Variants in SAMM50 observed in about 807,000 individuals in gnomAD.
SAMM50 encodes the protein sorting and assembly machinery component 50 homolog.
In SAMM50, 47 loss-of-function variants were observed where a neutral mutation model predicts 66.9. That is an observed-to-expected ratio of 0.70 (90% CI 0.56 to 0.90). The LOEUF is 0.90. Ranked by LOEUF, SAMM50 falls within the 40% of genes least tolerant of loss-of-function variation. The pLI is 0.00. For missense variants in SAMM50, 535 were observed against 595.3 expected (o/e 0.90, Z 1.05); for synonymous variants, 191 against 214.1 (o/e 0.89, Z 0.94).
chr22:43,981,305 C>G, intron 10 of SAMM50, 86 bp from the exon 11 acceptor site: 3 of 1,036,898 alleles, frequency 2.9e-6, no homozygotes, highest in Non-Finnish European at 4.6e-6. Flanking sequence ...CACGGGCATT[C>G]AGTGTGTGGC....
intron 1 of SAMM50, among the ~76,000 whole-genome samples, chr22:43,956,602 G>T (rs565274989): frequency 6.6e-6 from 1 of 152,212 alleles, no homozygotes; most frequent in Non-Finnish European, 1.5e-5. Flanking sequence ...TTGCAGGGCC[G>T]CTGAACGAGG....
Position 43,983,888 on chromosome 22 carries a change from C to A in SAMM50, c.1008-45C>A. 1.4e-6 allele frequency: 2 copies of A among 1,414,938 alleles called. No individual in the cohort carries two copies. Among genetic ancestry groups the A allele is most frequent in the Non-Finnish European group, 9.8e-7 (1 of 1,016,406 alleles). The allele number at this position is 1,414,938 out of a possible 1,614,324, so 87.6% of individuals were successfully genotyped here. A position where few individuals can be genotyped will look rare whatever the true frequency, so the allele number is the denominator to read the frequency against. On this transcript the variant is annotated intron_variant, in intron 11 of 14. Transcript: ENST00000350028. This position sits in a 1 kb window ranked among gnomAD's most constrained non-coding sequence, Gnocchi z 4.2. ...ACGCGTTCCGTGTGTCATGTCGTTT[C>A]TCACCTCCTGACTTTCCTCTGACCT...
At position 43,990,267 on chromosome 22, in the gene SAMM50, G is replaced by A. The variant is rs769794460; in HGVS notation, c.1225G>A (p.Glu409Lys). ...CTCACAGGTCTTTCTCTTTTCAGGGGAGGGCCCCAAAGCTCATATTCGTAA... is the reference window on the plus strand; with the variant it reads ...CTCACAGGTCTTTCTCTTTTCAGGGAAGGGCCCCAAAGCTCATATTCGTAA... Reference protein sequence around the residue: ...AGNLCNLNYGEGPKAHIRKLA... With the variant: ...AGNLCNLNYGKGPKAHIRKLA... The change falls in exon 14 of 15, where the codon GAG becomes AAG. Residue 409 changes from glutamate to lysine, a missense_variant and splice_region_variant. Coordinates refer to ENST00000350028, the MANE Select transcript of SAMM50 (RefSeq NM_015380.5). 6.2e-7 allele frequency: 1 copy of A among 1,614,204 alleles called. No individual in the cohort carries two copies. Among genetic ancestry groups the A allele is most frequent in the South Asian group, 1.1e-5 (1 of 91,082 alleles).
intron 1 of SAMM50, among the ~76,000 whole-genome samples, chr22:43,960,060 G>C (rs995372276): frequency 1.3e-5 from 2 of 152,170 alleles, no homozygotes; most frequent in African/African-American, 4.8e-5. Context: ...GGAGATTTTA[G>C]AAAGTGCAGT....
intron 1 of SAMM50, among the ~76,000 whole-genome samples, chr22:43,958,824 T>C (rs2050133388): frequency 6.6e-6 from 1 of 152,032 alleles, no homozygotes; most frequent in Non-Finnish European, 1.5e-5. Context: ...GATGAGTGTT[T>C]TGAGAAAAAA....
At chr22:43,967,606 AC>A (rs759342969) in intron 3 of SAMM50, among the ~76,000 whole-genome samples, 1 of 152,020 alleles carries the variant, frequency 6.6e-6, no homozygotes, top group Non-Finnish European at 1.5e-5. Flanking sequence ...TTGCCAGAGC[AC>A]CCCCTGCATC....
intron 14 of SAMM50, among the ~76,000 whole-genome samples, 170 bp downstream of exon 14, chr22:43,990,576 C>T (rs1484768266): frequency 6.6e-6 from 1 of 152,136 alleles, no homozygotes; most frequent in African/African-American, 2.4e-5. Flanking sequence ...CGTTTTTCTC[C>T]ATCTAGCTGG....
In SAMM50 at chr22:43,989,154, C is replaced by T; in HGVS notation, c.1119C>T (p.His373=). ...GGEAYWAGGL[H]LYTPLPFRPG... The stretch of plus-strand genomic sequence containing the variant: ...AAGCGTACTGGGCCGGCGGCCTGCA[C>T]CTCTACACCCCATTACCTTTCCGGC... Residue 373 remains histidine, a synonymous_variant, in exon 13 of 15, where the codon CAC becomes CAT. Coordinates refer to ENST00000350028, the MANE Select transcript of SAMM50 (RefSeq NM_015380.5). 2 of 1,614,066 alleles carry T rather than the reference C, an allele frequency of 1.2e-6. No individual in the cohort carries two copies. The highest frequency in any genetic ancestry group is 3.3e-4 in the Middle Eastern group (2 of 6,062).
At position 43,990,293 on chromosome 22, in the gene SAMM50, G is replaced by A. The variant is rs150254094; in HGVS notation, c.1251G>A (p.Lys417=). Residue 417 remains lysine, a synonymous_variant, in exon 14 of 15, where the codon AAG becomes AAA. Coordinates refer to ENST00000350028, the MANE Select transcript of SAMM50 (RefSeq NM_015380.5). The stretch of plus-strand genomic sequence containing the variant: ...AGGGCCCCAAAGCTCATATTCGTAA[G>A]CTGGCTGAGTGCATCCGCTGGTCGT... ...YGEGPKAHIR[K]LAECIRWSYG... The A allele has an allele frequency of 6.2e-6, 10 of 1,614,192 alleles. No individual in the cohort carries two copies. Among genetic ancestry groups the A allele is most frequent in the South Asian group, 2.2e-5 (2 of 91,078 alleles).
chr22:43,980,945 TG>T (rs1483706410), intron 10 of SAMM50, among the ~76,000 whole-genome samples: 3 of 152,160 alleles, frequency 2.0e-5, no homozygotes, highest in Non-Finnish European at 4.4e-5. Context: ...GTCTCTGCAT[TG>T]GGGGAGCCTT....
intron 13 of SAMM50, 39 bp from the exon 14 acceptor site, chr22:43,990,225 AC>A (rs1315438159): frequency 2.5e-6 from 4 of 1,611,016 alleles, no homozygotes; most frequent in Admixed American, 3.3e-5. Flanking sequence ...GCTTGGAAGG[AC>A]GGGCACGCAC....
chr22:43,981,483 G>T, intron 11 of SAMM50, 22 bp downstream of exon 11: 1 of 1,525,132 alleles, frequency 6.6e-7, no homozygotes, highest in Non-Finnish European at 9.1e-7. Context: ...TCAATGAATG[G>T]ATAATTTGCA....
intron 1 of SAMM50, chr22:43,956,989 G>GT: frequency 1.5e-6 from 1 of 671,870 alleles, no homozygotes; most frequent in Non-Finnish European, 2.7e-6. Flanking sequence ...CTTGGCTCCT[G>GT]TGGCGGCCTG....
At chr22:43,994,919 C>T (rs186343646) in intron 14 of SAMM50, among the ~76,000 whole-genome samples, 36 of 152,258 alleles carry the variant, frequency 2.4e-4, no homozygotes, top group Non-Finnish European at 4.7e-4. Flanking sequence ...TGCTTGTTTT[C>T]TGAATTACAT....
In SAMM50 at chr22:43,996,450, T is replaced by C; in HGVS notation, c.*67T>C. On this transcript the variant is annotated 3_prime_UTR_variant, in exon 15 of 15. Transcript: ENST00000350028. ...CAAGGCGCCCATGCCACACACCGTC[T>C]CTCGAGGAAACGCGGTTCAGCGATT... 11 of 1,467,394 alleles carry C rather than the reference T, an allele frequency of 7.5e-6. No individual in the cohort carries two copies. The highest frequency in any genetic ancestry group is 1.1e-5 in the Non-Finnish European group (11 of 1,046,554). 90.9% of individuals were successfully genotyped at this position (1,467,394 alleles called of 1,614,324 possible). A position where few individuals can be genotyped will look rare whatever the true frequency, so the allele number is the denominator to read the frequency against.
intron 12 of SAMM50, among the ~76,000 whole-genome samples, chr22:43,985,260 C>T (rs981378024): frequency 1.3e-5 from 2 of 151,916 alleles, no homozygotes; most frequent in Non-Finnish European, 2.9e-5. Context: ...TAGTGTTGTA[C>T]CTTCTGTGGG....
At chr22:43,963,698 C>G (rs1470326017) in intron 2 of SAMM50, among the ~76,000 whole-genome samples, 1 of 152,134 alleles carries the variant, frequency 6.6e-6, no homozygotes, top group Admixed American at 6.5e-5. Flanking sequence ...ATTTCCATTC[C>G]CTACTCCCAG....
intron 7 of SAMM50, 164 bp from the exon 8 acceptor site, chr22:43,975,891 T>A: frequency 1.4e-6 from 1 of 691,614 alleles, no homozygotes; most frequent in Non-Finnish European, 2.4e-6. Context: ...TCCCTCTGGT[T>A]TTCTCTTCCC....
At chr22:43,994,381 TG>T (rs1210620425) in intron 14 of SAMM50, among the ~76,000 whole-genome samples, 1 of 152,112 alleles carries the variant, frequency 6.6e-6, no homozygotes, top group African/African-American at 2.4e-5. Flanking sequence ...TCATCTGCCT[TG>T]TTCACCGCTG....
Sources: allele counts gnomAD v4.1 joint callset (sites outside exome capture counted in the v4.1 genomes callset), GRCh38; gene constraint gnomAD v4.1.1; non-coding constraint Gnocchi (gnomAD v3.1); transcripts MANE v1.5; gene names NCBI Gene and HGNC (gene_info 2026-07-23, HGNC 2026-07-21).